Variants in SGCD observed in about 807,000 individuals in gnomAD.
SGCD encodes sarcoglycan delta, also known as delta-sarcoglycan.
A neutral mutation model predicts 36.6 loss-of-function variants in SGCD; 18 were observed. The observed-to-expected ratio is 0.49, with a 90% CI of 0.34 to 0.73. SGCD has a LOEUF of 0.73. SGCD is among the 30% of genes least tolerant of loss of function. SGCD has a pLI of 0.01. For synonymous variants in SGCD, 133 were observed against 130.6 expected (o/e 1.02, Z -0.12); for missense variants, 387 against 346.7 (o/e 1.12, Z -0.92).
intron 3 of SGCD, among the ~76,000 whole-genome samples, chr5:156,356,051 G>A (rs1314328907): frequency 1.3e-5 from 2 of 152,192 alleles, no homozygotes; most frequent in African/African-American, 4.8e-5. Flanking sequence ...TTAAGTGCCA[G>A]GGAGTATATC....
chr5:155,819,023 A>G, the SGCD span, among the ~76,000 whole-genome samples: 1 of 152,316 alleles, frequency 6.6e-6, no homozygotes, highest in African/African-American at 2.4e-5. Flanking sequence ...CATTTCAGAA[A>G]GAGAACTAGA....
At chr5:156,675,432 TAGCCTA>T (rs1441027627) in intron 7 of SGCD, among the ~76,000 whole-genome samples, 1 of 152,220 alleles carries the variant, frequency 6.6e-6, no homozygotes, top group African/African-American at 2.4e-5. Flanking sequence ...AACAGGTTAA[TAGCCTA>T]TTTTGTACCA....
intron 1 of SGCD, among the ~76,000 whole-genome samples, chr5:155,883,786 C>T (rs1580969901): frequency 1.5e-5 from 1 of 64,750 alleles, no homozygotes; most frequent in African/African-American, 7.9e-5. Context: ...CACAAACCTT[C>T]AATTTGCAAA....
At chr5:156,406,690 A>G (rs2127766311) in intron 3 of SGCD, among the ~76,000 whole-genome samples, 1 of 151,172 alleles carries the variant, frequency 6.6e-6, no homozygotes. Context: ...GATGAGGTAG[A>G]CATTATCTCT....
intron 6 of SGCD, among the ~76,000 whole-genome samples, chr5:156,641,021 AC>A (rs1763008407): frequency 6.6e-6 from 1 of 152,114 alleles, no homozygotes; most frequent in Non-Finnish European, 1.5e-5. Context: ...ACTTGTGGAA[AC>A]TCTGCATCCT....
At chr5:155,884,656 G>C (rs1755965086) in intron 1 of SGCD, among the ~76,000 whole-genome samples, 1 of 152,084 alleles carries the variant, frequency 6.6e-6, no homozygotes, top group African/African-American at 2.4e-5. Context: ...TAGCTTTCTG[G>C]CATCTGGATA....
chr5:155,994,732 T>C (rs1758504122), intron 1 of SGCD, among the ~76,000 whole-genome samples: 1 of 152,180 alleles, frequency 6.6e-6, no homozygotes. Flanking sequence ...TCTACAATTG[T>C]TTTGCAATTA....
intron 4 of SGCD, among the ~76,000 whole-genome samples, chr5:156,565,919 T>G (rs1428803704): frequency 6.6e-6 from 1 of 152,206 alleles, no homozygotes; most frequent in African/African-American, 2.4e-5. Context: ...GTGTATTATG[T>G]GCCACATTTT....
rs868421622 is a variant in SGCD, at chr5:156,061,391, C to A, written c.-281-56487C>A. On this transcript the variant is annotated intron_variant, in intron 1 of 9. Coordinates refer to the SGCD transcript ENST00000517913. ...AGGTCTCATGTCTAATTCCTATAGG[C>A]TCCCTTCATGGTTTCTTACCATAGA... Among the ~76,000 whole-genome samples the A allele has an allele frequency of 1.4e-4, 21 of 146,056 alleles. 2 individuals are homozygous for A. Among genetic ancestry groups the A allele is most frequent in the Admixed American group, 3.4e-4 (5 of 14,626 alleles).
At chr5:156,497,208 CGT>C (rs1347052356) in intron 3 of SGCD, among the ~76,000 whole-genome samples, 2 of 142,802 alleles carry the variant, frequency 1.4e-5, no homozygotes, top group African/African-American at 5.2e-5. Context: ...TCTCTCTCTG[CGT>C]GTGTTCTTCT....
At chr5:156,398,162 G>C (rs951039161) in intron 3 of SGCD, among the ~76,000 whole-genome samples, 33 of 152,172 alleles carry the variant, frequency 2.2e-4, no homozygotes, top group African/African-American at 8.0e-4. Flanking sequence ...AGACCTGACA[G>C]TCTGAAGTGA....
At chr5:156,017,006 G>C (rs772828651) in intron 1 of SGCD, among the ~76,000 whole-genome samples, 71 of 152,266 alleles carry the variant, frequency 4.7e-4, no homozygotes, top group Non-Finnish European at 6.8e-4. Flanking sequence ...TTTTACCTTT[G>C]AGTTCCCACC....
chr5:155,840,633 C>G, the SGCD span, among the ~76,000 whole-genome samples: 1 of 150,416 alleles, frequency 6.6e-6, no homozygotes, highest in Non-Finnish European at 1.5e-5. Flanking sequence ...CAGGATTATC[C>G]AGGTGCATGT....
At chr5:156,159,638 A>C (rs1306989614) in intron 3 of SGCD, among the ~76,000 whole-genome samples, 1 of 151,694 alleles carries the variant, frequency 6.6e-6, no homozygotes, top group Non-Finnish European at 1.5e-5. Flanking sequence ...TACAGCTAGA[A>C]TAAACATTGG....
At chr5:156,243,852 T>C (rs1765365732) in intron 3 of SGCD, among the ~76,000 whole-genome samples, 1 of 152,060 alleles carries the variant, frequency 6.6e-6, no homozygotes, top group African/African-American at 2.4e-5. Context: ...GAAACAATAA[T>C]AGCAGCAAAA....
At chr5:156,387,754 A>G (rs757515219) in intron 3 of SGCD, among the ~76,000 whole-genome samples, 11 of 152,188 alleles carry the variant, frequency 7.2e-5, no homozygotes, top group Non-Finnish European at 1.3e-4. Context: ...TTCAAGAAAA[A>G]TATCCTTATT....
upstream of SGCD, among the ~76,000 whole-genome samples, chr5:155,867,956 T>C (rs959031945): frequency 2.6e-5 from 4 of 152,284 alleles, no homozygotes; most frequent in African/African-American, 9.6e-5. Flanking sequence ...CACTCCTCCA[T>C]CTTAATGCAG....
intron 1 of SGCD, among the ~76,000 whole-genome samples, chr5:155,942,755 T>C (rs1757356444): frequency 6.6e-6 from 1 of 152,142 alleles, no homozygotes; most frequent in African/African-American, 2.4e-5. Context: ...CCTATCAAAA[T>C]TCCTAGACAC....
At chr5:155,930,646 A>T (rs565806824) in intron 1 of SGCD, among the ~76,000 whole-genome samples, 3 of 152,322 alleles carry the variant, frequency 2.0e-5, no homozygotes, top group East Asian at 3.9e-4. Context: ...TGGATTTTTC[A>T]TAATTAATAA....
Sources: allele counts gnomAD v4.1 joint callset (sites outside exome capture counted in the v4.1 genomes callset), GRCh38; gene constraint gnomAD v4.1.1; transcripts MANE v1.5; gene names NCBI Gene and HGNC (gene_info 2026-07-23, HGNC 2026-07-21).